MYL2: variants seen among roughly 807,000 people sequenced by gnomAD.
MYL2 encodes myosin regulatory light chain 2, ventricular/cardiac muscle isoform.
In MYL2, 19 loss-of-function variants were observed where a neutral mutation model predicts 23.0. That is an observed-to-expected ratio of 0.83 (90% CI 0.58 to 1.21). The LOEUF is 1.21. Among genes scored for constraint, MYL2 ranks in the 50% most tolerant of loss-of-function variants. The pLI, the probability that MYL2 is intolerant of heterozygous loss-of-function variation, is 0.00. For synonymous variants in MYL2, 78 were observed against 76.2 expected (o/e 1.02, Z -0.13); for missense variants, 180 against 215.1 (o/e 0.84, Z 1.02).
chr12:110,912,999 TG>T, intron 6 of MYL2, 96 bp downstream of exon 6: 1 of 1,295,332 alleles, frequency 7.7e-7, no homozygotes, highest in Non-Finnish European at 1.1e-6. Flanking sequence ...TCTGTCAGTG[TG>T]GGGTCAGGGG....
chr12:110,921,430 G>A (rs1013849913), upstream of MYL2, among the ~76,000 whole-genome samples: 2 of 152,208 alleles, frequency 1.3e-5, no homozygotes, highest in African/African-American at 2.4e-5. Flanking sequence ...TCTGCACAGC[G>A]TGAGGCAGTC....
At position 110,914,159 on chromosome 12, in the gene MYL2, G is replaced by GAC. The variant is rs142567411; in HGVS notation, c.274+25_274+26dup. 104,783 of 1,369,570 alleles carry GAC rather than the reference G, an allele frequency of 0.077. 1,729 individuals are homozygous for GAC. The highest frequency in any genetic ancestry group is 0.21 in the East Asian group (8,717 of 41,704). 84.8% of individuals were successfully genotyped at this position (1,369,570 alleles called of 1,614,324 possible). ...GAAGAAACATAGACACATACACACA[G>GAC]ACACACACACACACACACGACCTTA... On this transcript the variant is annotated intron_variant, in intron 4 of 6. Transcript: ENST00000228841.
rs2071699930 is a variant in MYL2, at chr12:110,918,410, T to C, written c.93+694A>G. 6.6e-6 allele frequency among the ~76,000 whole-genome samples: 1 copy of C among 152,098 alleles called. No homozygotes were observed. The highest frequency in any genetic ancestry group is 2.1e-4 in the South Asian group (1 of 4,822). ...AAATTGTGACTATTAATACCCAGCG[T>C]TGATGGAAATGTGGGGAAAGGCACG... On this transcript the variant is annotated intron_variant, in intron 2 of 6. Coordinates refer to ENST00000228841, the MANE Select transcript of MYL2 (RefSeq NM_000432.4). This position sits in a 1 kb window ranked among gnomAD's most constrained non-coding sequence, Gnocchi z 4.4.
chr12:110,914,082 T>C (rs2071672479), intron 4 of MYL2, 104 bp downstream of exon 4: 1 of 930,424 alleles, frequency 1.1e-6, no homozygotes, highest in Non-Finnish European at 1.7e-6. Context: ...ATTATTTTTT[T>C]CCAATGGTGC....
intron 1 of MYL2, among the ~76,000 whole-genome samples, chr12:110,920,303 C>T (rs543996655): frequency 2.4e-4 from 30 of 125,108 alleles, no homozygotes; most frequent in Non-Finnish European, 4.3e-4. Flanking sequence ...AAAGCCAACT[C>T]TCTTATTTTG....
chr12:110,919,330 C>T, intron 1 of MYL2, 137 bp from the exon 2 acceptor site: 1 of 680,262 alleles, frequency 1.5e-6, no homozygotes, highest in Non-Finnish European at 2.5e-6. Flanking sequence ...AGCATCCACA[C>T]TCAGGTCTCC....
At chr12:110,920,809 C>G (rs1271085526), upstream of MYL2, 3 of 579,912 alleles carry the variant, frequency 5.2e-6, no homozygotes, top group Admixed American at 8.9e-5. Context: ...GGGAGAGATG[C>G]TGCGCGCTCT....
chr12:110,916,782 C>T (rs12311772), intron 2 of MYL2, among the ~76,000 whole-genome samples: 5,702 of 152,160 alleles, frequency 0.037, 364 homozygotes, highest in African/African-American at 0.13. Context: ...CTGCAAACCA[C>T]AAAACTGCAC....
chr12:110,913,414 A>G, intron 4 of MYL2, 90 bp from the exon 5 acceptor site: 1 of 1,334,700 alleles, frequency 7.5e-7, no homozygotes, highest in Non-Finnish European at 1.1e-6. Flanking sequence ...CCCAGAGATG[A>G]AGGGGCCAGA....
At position 110,918,092 on chromosome 12, in the gene MYL2, AAAAG is replaced by A; in HGVS notation, c.93+1008_93+1011del. Among the ~76,000 whole-genome samples, 2 of 152,248 alleles carry A rather than the reference AAAAG, an allele frequency of 1.3e-5. No homozygotes were observed. The highest frequency in any genetic ancestry group is 4.2e-4 in the South Asian group (2 of 4,814). ...AGCGAGACTCTGTCACACGCACAAA[AAAAG>A]AAAGCAGTCTGGTCTCTTTAGCATC... On this transcript the variant is annotated intron_variant, in intron 2 of 6. Coordinates refer to ENST00000228841, the MANE Select transcript of MYL2 (RefSeq NM_000432.4). The surrounding 1 kb of genome is among the most constrained non-coding windows in gnomAD (Gnocchi z 4.4).
chr12:110,913,490 G>C (rs549281315), intron 4 of MYL2, among the ~76,000 whole-genome samples, 166 bp from the exon 5 acceptor site: 1 of 152,296 alleles, frequency 6.6e-6, no homozygotes, highest in Admixed American at 6.5e-5. Flanking sequence ...TCTGTATTTC[G>C]AAGAGAGGGC....
chr12:110,917,402 G>T (rs10849916), intron 2 of MYL2, among the ~76,000 whole-genome samples: 55,991 of 150,780 alleles, frequency 0.37, 10,860 homozygotes, highest in African/African-American at 0.48. Flanking sequence ...GAGACCAGCC[G>T]GGCCAACACA....
intron 3 of MYL2, among the ~76,000 whole-genome samples, chr12:110,914,790 G>A: frequency 6.6e-6 from 1 of 152,208 alleles, no homozygotes; most frequent in East Asian, 1.9e-4. Flanking sequence ...AAAGTGCTGG[G>A]ATTACAGGTG....
At position 110,919,169 on chromosome 12, in the gene MYL2, C is replaced by T. The variant is rs730880942; in HGVS notation, c.28G>A (p.Ala10Thr). Residue 10 changes from alanine to threonine, a missense_variant, in exon 2 of 7, where the codon GCC becomes ACC. Ala to Thr is a moderately conservative substitution (Grantham distance 58). Coordinates refer to ENST00000228841, the MANE Select transcript of MYL2 (RefSeq NM_000432.4). MAPKKAKKR[A>T]GGANSNVFSM... ...AACACGTTGGAGTTGGCGCCCCCGG[C>T]TCTCTTCTTTGCTTTCTTAGGTGCC... The T allele has an allele frequency of 3.7e-6, 6 of 1,613,576 alleles. No individual in the cohort carries two copies. Among genetic ancestry groups the T allele is most frequent in the Non-Finnish European group, 5.1e-6 (6 of 1,180,026 alleles).
intron 6 of MYL2, among the ~76,000 whole-genome samples, chr12:110,911,603 C>G (rs1035960146): frequency 6.6e-6 from 1 of 152,170 alleles, no homozygotes; most frequent in African/African-American, 2.4e-5. Context: ...TTCCCTGACC[C>G]CAAGGGCCCT....
At chr12:110,920,293 A>G (rs1566150877) in intron 1 of MYL2, among the ~76,000 whole-genome samples, 1 of 136,384 alleles carries the variant, frequency 7.3e-6, no homozygotes. Flanking sequence ...AAGCCATAAA[A>G]AAGCCAACTC....
At position 110,920,523 on chromosome 12, in the gene MYL2, T is replaced by C. The variant is rs2520199; in HGVS notation, c.3+4A>G. Reference sequence around the variant, plus strand: ...TCATCACCTCCTGGAGCCCTTGTACTCACCATGGTGGAAAGGACCCAGCAC... The same window carrying C: ...TCATCACCTCCTGGAGCCCTTGTACCCACCATGGTGGAAAGGACCCAGCAC... On this transcript the variant is annotated splice_donor_region_variant and intron_variant, in intron 1 of 6. Transcript: ENST00000228841. 6.2e-7 allele frequency: 1 copy of C among 1,614,138 alleles called. No individual in the cohort carries two copies. Among genetic ancestry groups the C allele is most frequent in the Middle Eastern group, 1.6e-4 (1 of 6,062 alleles).
chr12:110,921,038 G>A (rs1310582266), upstream of MYL2, among the ~76,000 whole-genome samples: 1 of 152,188 alleles, frequency 6.6e-6, no homozygotes, highest in African/African-American at 2.4e-5. Flanking sequence ...CATCTCCTGA[G>A]TGAAGCCTCC....
rs61940352 is a variant in MYL2 at position 110,913,847 on chromosome 12, G to A, written c.274+339C>T. Among the ~76,000 whole-genome samples the A allele has an allele frequency of 0.012, 1,853 of 152,202 alleles. 12 individuals carry two copies. Among genetic ancestry groups the A allele is most frequent in the Non-Finnish European group, 0.015 (1,050 of 68,000 alleles). ...AGCTCACTGCAACCTCTGACATCCC[G>A]GTTCAAGGGATTCTCCCGCCTCAGC... On this transcript the variant is annotated intron_variant, in intron 4 of 6. Coordinates refer to ENST00000228841, the MANE Select transcript of MYL2 (RefSeq NM_000432.4).
Sources: allele counts gnomAD v4.1 joint callset (sites outside exome capture counted in the v4.1 genomes callset), GRCh38; gene constraint gnomAD v4.1.1; non-coding constraint Gnocchi (gnomAD v3.1); transcripts MANE v1.5; gene names NCBI Gene and HGNC (gene_info 2026-07-23, HGNC 2026-07-21).